The following DNTTIP2 variants were observed in gnomAD, a reference collection of about 807,000 sequenced individuals.
The protein encoded by DNTTIP2 is deoxynucleotidyltransferase terminal interacting protein 2.
DNTTIP2 carries 47 observed loss-of-function variants against 62.4 expected under a neutral mutation model. The observed-to-expected ratio is 0.75, with a 90% CI of 0.60 to 0.96. DNTTIP2 has a LOEUF of 0.96. Among genes scored for constraint, DNTTIP2 ranks in the 40% least tolerant of loss-of-function variants. The pLI is 0.00. For synonymous variants in DNTTIP2, 322 were observed against 300.9 expected (o/e 1.07, Z -0.73); for missense variants, 870 against 849.1 (o/e 1.02, Z -0.31).
rs922789288 is a variant in DNTTIP2, at chr1:93,868,045, A to G, written c.*1806T>C. The stretch of plus-strand genomic sequence containing the variant: ...TAAAGAGTTTCTGCACAGCAAAAGA[A>G]ACTATTATCAGAGTGCACAGGCAAT... On this transcript the variant is annotated 3_prime_UTR_variant, in exon 7 of 7. Coordinates refer to ENST00000436063, the MANE Select transcript of DNTTIP2 (RefSeq NM_014597.5). 1 of 152,236 alleles carries G rather than the reference A, an allele frequency of 6.6e-6. No homozygotes were observed. The highest frequency in any genetic ancestry group is 1.5e-5 in the Non-Finnish European group (1 of 68,052). The allele number at this position is 152,236 out of a possible 1,614,324, so 9.4% of individuals were successfully genotyped here. A position where few individuals can be genotyped will look rare whatever the true frequency, so the allele number is the denominator to read the frequency against.
chr1:93,872,197 T>A lies in DNTTIP2; in HGVS notation c.1942A>T (p.Met648Leu). 6.2e-7 allele frequency: 1 copy of A among 1,613,886 alleles called. No individual in the cohort carries two copies. Reference protein sequence around the residue: ...QKTAGDGWFGMKAPEMTNELK... With the variant: ...QKTAGDGWFGLKAPEMTNELK... The stretch of plus-strand genomic sequence containing the variant: ...TCATTTGTCATTTCTGGAGCTTTCA[T>A]ACCAAACCAGCCATCCCCTGCTGTT... Residue 648 changes from methionine to leucine, a missense_variant, in exon 5 of 7, where the codon ATG becomes TTG. Physicochemically the swap from Met to Leu is conservative, Grantham distance 15 (BLOSUM62 2). Transcript: ENST00000436063.
chr1:93,876,844 G>C lies in DNTTIP2; in HGVS notation c.1091C>G (p.Thr364Ser). The C allele has an allele frequency of 6.2e-7, 1 of 1,613,944 alleles. No individual in the cohort carries two copies. Among genetic ancestry groups the C allele is most frequent in the East Asian group, 2.2e-5 (1 of 44,880 alleles). ...TACTTCCACAGTTGCAAATGTTTGA[G>C]TTAATGATTTCATTACAGCCTCAGA... Reference protein sequence around the residue: ...LNSEAVMKSLTQTFATVEVGR... With the variant: ...LNSEAVMKSLSQTFATVEVGR... Residue 364 changes from threonine to serine, a missense_variant, in exon 2 of 7, where the codon ACT (threonine) becomes AGT (serine). Coordinates refer to ENST00000436063, the MANE Select transcript of DNTTIP2 (RefSeq NM_014597.5).
In DNTTIP2 at chr1:93,877,558, G is replaced by C. The variant is rs772758796; in HGVS notation, c.377C>G (p.Pro126Arg). 1 of 1,613,904 alleles carries C rather than the reference G, an allele frequency of 6.2e-7. No homozygotes were observed. Among genetic ancestry groups the C allele is most frequent in the Non-Finnish European group, 8.5e-7 (1 of 1,179,870 alleles). ...AGACTCCTTTGTTGGAGTTACTTTC[G>C]GCTTTTTCCTAACACTGGACACTGG... ...CSPVSSVRKK[P>R]KVTPTKESYT... The change falls in exon 2 of 7, where the codon CCG (proline) becomes CGG (arginine). Residue 126 changes from proline to arginine, a missense_variant. By Grantham distance (103) the Pro-to-Arg change is moderately radical. Transcript: ENST00000436063.
intron 3 of DNTTIP2, 75 bp downstream of exon 3, chr1:93,875,570 A>C: frequency 6.8e-7 from 1 of 1,478,810 alleles, no homozygotes; most frequent in Admixed American, 2.3e-5. Flanking sequence ...TAGGAAAATT[A>C]AGTCTTTTAC....
In DNTTIP2 at chr1:93,877,350, G is replaced by T; in HGVS notation, c.585C>A (p.Phe195Leu). ...DAETSSSDIS[F>L]SGIATRRTRS... ...TGGTTCTTCTAGTTGCAATTCCAGAGAATGAAATGTCTGAGCTTGATGTCT... is the reference window on the plus strand; with the variant it reads ...TGGTTCTTCTAGTTGCAATTCCAGATAATGAAATGTCTGAGCTTGATGTCT... The change falls in exon 2 of 7, where the codon TTC becomes TTA. Residue 195 changes from phenylalanine (F) to leucine (L), a missense_variant. Coordinates refer to ENST00000436063, the MANE Select transcript of DNTTIP2 (RefSeq NM_014597.5). 6.2e-7 allele frequency: 1 copy of T among 1,613,690 alleles called. No homozygotes were observed. The highest frequency in any genetic ancestry group is 1.3e-5 in the African/African-American group (1 of 75,032).
At chr1:93,869,991 G>A (rs745415709) in intron 6 of DNTTIP2, 47 bp from the exon 7 acceptor site, 1 of 755,398 alleles carries the variant, frequency 1.3e-6, no homozygotes, top group South Asian at 1.4e-5. Context: ...TCAGACATTA[G>A]AAGTTAATAT....
intron 3 of DNTTIP2, 176 bp from the exon 4 acceptor site, chr1:93,873,390 T>C (rs936991042): frequency 3.6e-5 from 18 of 498,194 alleles, no homozygotes; most frequent in Middle Eastern, 1.1e-3. Flanking sequence ...CCAGGAGTTT[T>C]AGACCACCTT....
chr1:93,871,847 A>G (rs1169819055), intron 5 of DNTTIP2, among the ~76,000 whole-genome samples: 1 of 152,214 alleles, frequency 6.6e-6, no homozygotes, highest in African/African-American at 2.4e-5. Flanking sequence ...GTTTTAGCTG[A>G]CCTGGAAACC....
Position 93,877,497 on chromosome 1 carries a change from A to T in DNTTIP2, c.438T>A (p.His146Gln). ...TEEIVSEAES[H>Q]VSGISRIVLP... Reference sequence around the variant, plus strand: ...GCACAATTCTAGAAATACCTGAAACATGAGATTCTGCTTCAGACACTATTT... The same window carrying T: ...GCACAATTCTAGAAATACCTGAAACTTGAGATTCTGCTTCAGACACTATTT... Residue 146 changes from histidine to glutamine, a missense_variant, in exon 2 of 7, where the codon CAT becomes CAA. Physicochemically the swap from His to Gln is conservative, Grantham distance 24. Coordinates refer to ENST00000436063, the MANE Select transcript of DNTTIP2 (RefSeq NM_014597.5). The T allele has an allele frequency of 1.2e-6, 2 of 1,613,982 alleles. No individual in the cohort carries two copies. The highest frequency in any genetic ancestry group is 1.7e-6 in the Non-Finnish European group (2 of 1,179,884).
In DNTTIP2 at chr1:93,867,684, A is replaced by G. The variant is rs1655754277; in HGVS notation, c.*2167T>C. 6.6e-6 allele frequency: 1 copy of G among 152,198 alleles called. No individual in the cohort carries two copies. 9.4% of individuals were successfully genotyped at this position (152,198 alleles called of 1,614,324 possible). ...AGACTTGCTTATTAAAAAGCAAAAC[A>G]TAACTTCATCCATTATTTAAATATC... is the stretch of plus-strand genomic sequence containing the variant. On this transcript the variant is annotated 3_prime_UTR_variant, in exon 7 of 7. Transcript: ENST00000436063.
At chr1:93,871,171 T>A (rs190417715) in intron 5 of DNTTIP2, among the ~76,000 whole-genome samples, 2 of 152,340 alleles carry the variant, frequency 1.3e-5, no homozygotes, top group East Asian at 3.9e-4. Context: ...GGCTGCCAGT[T>A]TGGCCTACTT....
Position 93,869,739 on chromosome 1 carries a change from G to T in DNTTIP2, c.*112C>A. 1 of 634,294 alleles carries T rather than the reference G, an allele frequency of 1.6e-6. No homozygotes were observed. Among genetic ancestry groups the T allele is most frequent in the South Asian group, 2.0e-5 (1 of 51,164 alleles). 39.3% of individuals were successfully genotyped at this position (634,294 alleles called of 1,614,324 possible). ...TTTTTCCAAATACAAATTCCTGTAT[G>T]AACAGGGCCAGTCTATGGTAAATTA... On this transcript the variant is annotated 3_prime_UTR_variant, in exon 7 of 7. Coordinates refer to ENST00000436063, the MANE Select transcript of DNTTIP2 (RefSeq NM_014597.5).
At chr1:93,872,372 CA>C in intron 4 of DNTTIP2, 136 bp from the exon 5 acceptor site, 1 of 816,550 alleles carries the variant, frequency 1.2e-6, no homozygotes, top group Non-Finnish European at 1.9e-6. Context: ...CACTTAAATC[CA>C]GAATCATAGA....
At position 93,876,709 on chromosome 1, in the gene DNTTIP2, C is replaced by A; in HGVS notation, c.1226G>T (p.Ser409Ile). ...DEEESTVISV[S>I]EDMNSEGNVD... The stretch of plus-strand genomic sequence containing the variant: ...ATTCCCTTCACTGTTCATGTCTTCA[C>A]TGACACTTATAACTGTGGACTCTTC... The change falls in exon 2 of 7, where the codon AGT becomes ATT. Residue 409 changes from serine to isoleucine, a missense_variant. Physicochemically the swap from Ser to Ile is moderately radical, Grantham distance 142. Transcript: ENST00000436063. 1 of 1,614,040 alleles carries A rather than the reference C, an allele frequency of 6.2e-7. No individual in the cohort carries two copies. The highest frequency in any genetic ancestry group is 8.5e-7 in the Non-Finnish European group (1 of 1,179,894).
rs566340924 is a variant in DNTTIP2, at chr1:93,870,818, C to A, written c.2068-26G>T. 1.8e-4 allele frequency: 238 copies of A among 1,331,384 alleles called. 3 individuals are homozygous for A. The South Asian group carries it at 3.4e-3, about 19-fold the overall frequency. The allele number at this position is 1,331,384 out of a possible 1,614,324, so 82.5% of individuals were successfully genotyped here. A position where few individuals can be genotyped will look rare whatever the true frequency, so the allele number is the denominator to read the frequency against. Reference sequence around the variant, plus strand: ...CTGTGAACAATTGATTGAAATAAGTCATGCATTGAGTGCCAAGATGCTTTC... The same window carrying A: ...CTGTGAACAATTGATTGAAATAAGTAATGCATTGAGTGCCAAGATGCTTTC... On this transcript the variant is annotated intron_variant, in intron 5 of 6. Transcript: ENST00000436063.
intron 3 of DNTTIP2, among the ~76,000 whole-genome samples, 156 bp downstream of exon 3, chr1:93,875,489 T>A (rs565750616): frequency 1.3e-5 from 2 of 152,374 alleles, no homozygotes; most frequent in South Asian, 2.1e-4. Flanking sequence ...GATAGGATTT[T>A]ATTGTAAAAA....
In DNTTIP2 at chr1:93,872,233, C is replaced by T. The variant is rs755471677; in HGVS notation, c.1906G>A (p.Glu636Lys). Residue 636 changes from glutamate (E) to lysine (K), a missense_variant, in exon 5 of 7, where the codon GAA (glutamate) becomes AAA (lysine). Coordinates refer to ENST00000436063, the MANE Select transcript of DNTTIP2 (RefSeq NM_014597.5). ...KYQLQKKRRK[E>K]RQKTAGDGWF... Reference sequence around the variant, plus strand: ...CCATCCCCTGCTGTTTTTTGTCGTTCTTTCTGAAATTATGATTTCAAAAAT... The same window carrying T: ...CCATCCCCTGCTGTTTTTTGTCGTTTTTTCTGAAATTATGATTTCAAAAAT... The T allele has an allele frequency of 6.2e-7, 1 of 1,612,636 alleles. No individual in the cohort carries two copies.
chr1:93,873,966 T>C (rs888917972), intron 3 of DNTTIP2, among the ~76,000 whole-genome samples: 1 of 152,206 alleles, frequency 6.6e-6, no homozygotes, highest in Non-Finnish European at 1.5e-5. Flanking sequence ...TTTACAGGAA[T>C]ATAGTACAAG....
intron 3 of DNTTIP2, 37 bp from the exon 4 acceptor site, chr1:93,873,251 G>C (rs1655914765): frequency 1.2e-5 from 18 of 1,477,594 alleles, no homozygotes; most frequent in Non-Finnish European, 1.6e-5. Flanking sequence ...AATAATGTCA[G>C]AATGTTATAT....
Sources: gnomAD v4.1 joint callset for allele counts (sites outside exome capture counted in the v4.1 genomes callset) on GRCh38, gnomAD v4.1.1 for gene constraint, MANE v1.5 for transcripts, NCBI Gene and HGNC (gene_info 2026-07-23, HGNC 2026-07-21) for gene names.